ZNRF3: variants seen among roughly 807,000 people sequenced by gnomAD.
ZNRF3 encodes the protein E3 ubiquitin-protein ligase ZNRF3.
A neutral mutation model predicts 72.5 loss-of-function variants in ZNRF3; 23 were observed. The observed-to-expected ratio is 0.32, with a 90% confidence interval of 0.23 to 0.45. The LOEUF is 0.45. Ranked by LOEUF, ZNRF3 falls within the 20% of genes least tolerant of loss-of-function variation. ZNRF3 has a pLI of 1.00. For synonymous variants in ZNRF3, 610 were observed against 545.3 expected, an observed-to-expected ratio of 1.12 and a Z score of -1.65; for missense variants, 1,169 against 1,272.1, an observed-to-expected ratio of 0.92 and a Z score of 1.23.
In ZNRF3 at chr22:29,046,807, G is replaced by C. The variant is rs762970130; in HGVS notation, c.836G>C (p.Cys279Ser). 6.2e-7 allele frequency: 1 copy of C among 1,611,978 alleles called. No individual in the cohort carries two copies. The highest frequency in any genetic ancestry group is 2.2e-5 in the East Asian group (1 of 44,832). ...AGCAAGGGGCGCCGGGAGGGGAGCT[G>C]TGGGGCCCTGGACACACTCAGCAGC... Reference protein sequence around the residue: ...SKSKGRREGSCGALDTLSSSS... With the variant: ...SKSKGRREGSSGALDTLSSSS... Residue 279 changes from cysteine (C) to serine (S), a missense_variant, in exon 6 of 9, where the codon TGT (cysteine) becomes TCT (serine). Around this residue, in one of 2 missense-constraint regions of ZNRF3, gnomAD observed 386 missense variants for 540.7 expected, o/e 0.71. Coordinates refer to ENST00000544604, the MANE Select transcript of ZNRF3 (RefSeq NM_001206998.2).
At chr22:29,001,508 G>A (rs570972166) in intron 2 of ZNRF3, among the ~76,000 whole-genome samples, 7 of 136,116 alleles carry the variant, frequency 5.1e-5, no homozygotes, top group Non-Finnish European at 1.1e-4. Context: ...GTCTCGCTCT[G>A]TTGCCCAGGC....
intron 1 of ZNRF3, among the ~76,000 whole-genome samples, chr22:28,964,179 G>A (rs181345207): frequency 1.6e-3 from 237 of 152,208 alleles, no homozygotes; most frequent in African/African-American, 5.3e-3. Context: ...GAAACCAGGC[G>A]GCTCTAAGTT....
chr22:29,016,208 A>ATACC (rs1182286928), intron 2 of ZNRF3, among the ~76,000 whole-genome samples: 1 of 152,198 alleles, frequency 6.6e-6, no homozygotes, highest in African/African-American at 2.4e-5. Context: ...GAAGATCTAG[A>ATACC]TACCTGATCA....
chr22:29,021,818 CAT>C (rs1224570344), intron 2 of ZNRF3, among the ~76,000 whole-genome samples: 4 of 152,102 alleles, frequency 2.6e-5, no homozygotes, highest in Non-Finnish European at 5.9e-5. Flanking sequence ...GTATAATAGA[CAT>C]GTGATAAACA....
At chr22:28,900,481 A>C (rs1391815987) in intron 1 of ZNRF3, among the ~76,000 whole-genome samples, 1 of 152,220 alleles carries the variant, frequency 6.6e-6, no homozygotes, top group East Asian at 1.9e-4. Flanking sequence ...GAATTGATCA[A>C]GTCTGGTAAG....
At chr22:28,980,452 C>G (rs1446798879) in intron 1 of ZNRF3, among the ~76,000 whole-genome samples, 1 of 152,194 alleles carries the variant, frequency 6.6e-6, no homozygotes, top group Non-Finnish European at 1.5e-5. Flanking sequence ...GATTTCAACA[C>G]AAGATTGCAT....
At chr22:28,950,094 A>G (rs909149884) in intron 1 of ZNRF3, among the ~76,000 whole-genome samples, 4 of 152,212 alleles carry the variant, frequency 2.6e-5, no homozygotes, top group African/African-American at 9.6e-5. Flanking sequence ...TCAAGAGTGC[A>G]GTTTGGTGTC....
chr22:28,949,976 T>C (rs554914240), intron 1 of ZNRF3, among the ~76,000 whole-genome samples: 46 of 152,110 alleles, frequency 3.0e-4, no homozygotes, highest in Middle Eastern at 3.4e-3. Context: ...TTTTTTAATG[T>C]ACTCAAGGGT....
In ZNRF3 at chr22:29,049,402, C is replaced by G. The variant is rs757145940; in HGVS notation, c.1221C>G (p.Leu407=). Residue 407 remains leucine (L), a synonymous_variant, in exon 8 of 9, where the codon CTC becomes CTG. Transcript: ENST00000544604. This position sits in a 1 kb window ranked among gnomAD's most constrained non-coding sequence, Gnocchi z 5.2. ...LTMDRHGEQS[L]YSPQTPAYIR... is the part of the protein sequence containing the mutation. ...TGGACCGGCACGGGGAGCAGAGCCT[C>G]TATTCCCCGCAGACCCCCGCCTACA... The G allele has an allele frequency of 9.3e-6, 15 of 1,610,646 alleles. No individual in the cohort carries two copies. The East Asian group carries it at 3.3e-4, about 36-fold the overall frequency.
At chr22:28,921,639 A>G (rs998929587) in intron 1 of ZNRF3, among the ~76,000 whole-genome samples, 1 of 152,178 alleles carries the variant, frequency 6.6e-6, no homozygotes, top group Non-Finnish European at 1.5e-5. Context: ...TTTAACTTGT[A>G]GATGTGTCTG....
intron 1 of ZNRF3, among the ~76,000 whole-genome samples, chr22:28,968,981 C>T (rs2035524214): frequency 6.6e-6 from 1 of 152,196 alleles, no homozygotes; most frequent in African/African-American, 2.4e-5. Flanking sequence ...CCAGGACATA[C>T]AGACACAGAT....
intron 1 of ZNRF3, among the ~76,000 whole-genome samples, chr22:28,931,242 C>G (rs2034701072): frequency 6.6e-6 from 1 of 152,192 alleles, no homozygotes; most frequent in Non-Finnish European, 1.5e-5. Context: ...GTCTGCTAGT[C>G]TTGTCCCATC....
At chr22:28,982,075 A>C (rs1049802735) in intron 1 of ZNRF3, among the ~76,000 whole-genome samples, 7 of 152,080 alleles carry the variant, frequency 4.6e-5, no homozygotes, top group African/African-American at 1.7e-4. Context: ...TCTCTGTGGA[A>C]GCTCCCATGC....
At chr22:29,008,616 G>A (rs1272156772) in intron 2 of ZNRF3, among the ~76,000 whole-genome samples, 1 of 152,218 alleles carries the variant, frequency 6.6e-6, no homozygotes, top group South Asian at 2.1e-4. Context: ...CCTTAATAGG[G>A]AGAGGGAGGA....
At chr22:28,991,059 A>G (rs2035943110) in intron 2 of ZNRF3, among the ~76,000 whole-genome samples, 1 of 151,936 alleles carries the variant, frequency 6.6e-6, no homozygotes, top group African/African-American at 2.4e-5. Context: ...AGGCGCGCCG[A>G]TTGCATGAGC....
In ZNRF3 at chr22:28,920,419, C is replaced by T. The variant is rs187783702; in HGVS notation, c.300+36353C>T. Among the ~76,000 whole-genome samples, 70 of 151,878 alleles carry T rather than the reference C, an allele frequency of 4.6e-4. 2 individuals carry two copies. Among genetic ancestry groups the T allele is most frequent in the Admixed American group, 4.0e-3 (61 of 15,244 alleles). ...CTGAGTGGCTGGGATTACACGTGCCCACCACCACGCCCAGCTAATTTTTGT... is the reference window on the plus strand; with the variant it reads ...CTGAGTGGCTGGGATTACACGTGCCTACCACCACGCCCAGCTAATTTTTGT... On this transcript the variant is annotated intron_variant, in intron 1 of 8. Transcript: ENST00000544604.
intron 1 of ZNRF3, among the ~76,000 whole-genome samples, chr22:28,923,406 G>A (rs1249044203): frequency 1.3e-5 from 2 of 152,098 alleles, no homozygotes; most frequent in Admixed American, 1.3e-4. Flanking sequence ...AAAGTCAGAT[G>A]TGATCTACCC....
chr22:28,966,396 C>A (rs1242958237), intron 1 of ZNRF3, among the ~76,000 whole-genome samples: 1 of 152,140 alleles, frequency 6.6e-6, no homozygotes, highest in Non-Finnish European at 1.5e-5. Context: ...TTAGTGTACT[C>A]TTCTACTTAT....
At chr22:28,898,255 G>GT (rs1215654287) in intron 1 of ZNRF3, among the ~76,000 whole-genome samples, 2 of 152,166 alleles carry the variant, frequency 1.3e-5, no homozygotes, top group Non-Finnish European at 2.9e-5. Flanking sequence ...GCCAAGACTT[G>GT]TTTTTTTGAG....
Sources: allele counts gnomAD v4.1 joint callset (sites outside exome capture counted in the v4.1 genomes callset), GRCh38; gene constraint gnomAD v4.1.1; regional missense constraint gnomAD v4.1.1; non-coding constraint Gnocchi (gnomAD v3.1); transcripts MANE v1.5; gene names NCBI Gene and HGNC (gene_info 2026-07-23, HGNC 2026-07-21).